DDX6: variants seen among roughly 807,000 people sequenced by gnomAD.
DDX6 encodes the protein DEAD-box helicase 6.
Under a neutral mutation model 60.6 loss-of-function variants are expected in DDX6, and 7 were observed. The ratio of observed to expected loss-of-function variants is 0.12; its 90% confidence interval spans 0.07 to 0.22. DDX6 has a LOEUF of 0.22. Among genes scored for constraint, DDX6 ranks in the 10% least tolerant of loss-of-function variants. DDX6 has a pLI of 1.00. For synonymous variants in DDX6, 207 were observed against 201.0 expected (o/e 1.03, Z -0.25); for missense variants, 270 against 589.9 (o/e 0.46, Z 5.62).
intron 6 of DDX6, 137 bp from the exon 7 acceptor site, chr11:118,763,443 T>C (rs1347986798): frequency 1.5e-6 from 1 of 680,390 alleles, no homozygotes; most frequent in African/African-American, 1.8e-5. Flanking sequence ...TATAGCCTAC[T>C]CCATTGTATA....
chr11:118,765,493 CT>C, intron 5 of DDX6, 138 bp from the exon 6 acceptor site: 2 of 889,158 alleles, frequency 2.2e-6, no homozygotes, highest in Non-Finnish European at 3.5e-6. Flanking sequence ...GTAACTGCAC[CT>C]TATGATGCAG....
intron 5 of DDX6, among the ~76,000 whole-genome samples, chr11:118,767,352 G>C (rs1555161426): frequency 6.6e-6 from 1 of 152,170 alleles, no homozygotes; most frequent in Non-Finnish European, 1.5e-5. Flanking sequence ...TACATCATAT[G>C]AAAGTGGGAA....
Position 118,758,825 on chromosome 11 carries a change from T to C in DDX6, c.942A>G (p.Ala314=). The C allele has an allele frequency of 1.2e-6, 2 of 1,613,886 alleles. No individual in the cohort carries two copies. The highest frequency in any genetic ancestry group is 1.7e-6 in the Non-Finnish European group (2 of 1,179,830). The part of the protein sequence containing the change: ...LTLKGVTQYY[A]YVTERQKVHC... The stretch of plus-strand genomic sequence containing the variant: ...GTACTTTTTGGCGCTCAGTTACATA[T>C]GCGTAGTACTGGGTTACTCCCTTCA... Residue 314 remains alanine (A), a synonymous_variant, in exon 9 of 14, where the codon GCA becomes GCG. Transcript: ENST00000534980.
At chr11:118,768,409 C>A in intron 4 of DDX6, 57 bp from the exon 5 acceptor site, 1 of 1,583,438 alleles carries the variant, frequency 6.3e-7, no homozygotes, top group Non-Finnish European at 8.6e-7. Flanking sequence ...AAGCAAATTC[C>A]TCTCTGAAAT....
chr11:118,756,349 T>C (rs1860976058), intron 10 of DDX6, 26 bp from the exon 11 acceptor site: 5 of 1,576,168 alleles, frequency 3.2e-6, no homozygotes, highest in African/African-American at 1.3e-5. Context: ...GTATTCCATT[T>C]GATTAACACT....
At chr11:118,752,768 T>C (rs782683517) in intron 13 of DDX6, among the ~76,000 whole-genome samples, 17 of 152,086 alleles carry the variant, frequency 1.1e-4, no homozygotes, top group Non-Finnish European at 2.5e-4. Flanking sequence ...GTTTCATGCA[T>C]TTCTAACTAG....
At chr11:118,760,545 G>A (rs1016087083) in intron 7 of DDX6, among the ~76,000 whole-genome samples, 7 of 152,186 alleles carry the variant, frequency 4.6e-5, no homozygotes, top group Non-Finnish European at 8.8e-5. Context: ...GGTTCTGGCC[G>A]GGCGCGGTGG....
chr11:118,788,181 T>A (rs1489092846), intron 1 of DDX6: 4 of 151,822 alleles, frequency 2.6e-5, no homozygotes, highest in Non-Finnish European at 5.9e-5. Flanking sequence ...GGTGGCCCTG[T>A]AATCTCAGCT....
At chr11:118,779,574 A>G in intron 4 of DDX6, 58 bp downstream of exon 4, 3 of 1,170,230 alleles carry the variant, frequency 2.6e-6, no homozygotes, top group Non-Finnish European at 3.7e-6. Context: ...GAGCAAAAAG[A>G]AAACTGTTTA....
At chr11:118,756,047 G>A (rs1370771846) in intron 11 of DDX6, among the ~76,000 whole-genome samples, 2 of 127,780 alleles carry the variant, frequency 1.6e-5, no homozygotes, top group Non-Finnish European at 3.1e-5. Context: ...AGACAGAGAT[G>A]AGGTATGAGT....
chr11:118,785,705 T>C (rs756908669), intron 2 of DDX6: 5 of 169,222 alleles, frequency 3.0e-5, no homozygotes, highest in Admixed American at 6.2e-5. Flanking sequence ...GGTGCAGTCG[T>C]AAAAAAACTA....
intron 2 of DDX6, 159 bp downstream of exon 2, chr11:118,785,893 T>C: frequency 3.4e-6 from 2 of 596,418 alleles, no homozygotes; most frequent in Non-Finnish European, 5.6e-6. Flanking sequence ...AAATATATTA[T>C]TCTATTGCAA....
In DDX6 at chr11:118,749,188, AATG is replaced by A. The variant is rs1272126142; in HGVS notation, c.*2914_*2916del. The A allele has an allele frequency of 6.6e-6, 1 of 152,068 alleles. No homozygotes were observed. The highest frequency in any genetic ancestry group is 2.4e-5 in the African/African-American group (1 of 41,392). The allele number at this position is 152,068 out of a possible 1,614,324, so 9.4% of individuals were successfully genotyped here. A position where few individuals can be genotyped will look rare whatever the true frequency, so the allele number is the denominator to read the frequency against. On this transcript the variant is annotated 3_prime_UTR_variant, in exon 14 of 14. Coordinates refer to ENST00000534980, the MANE Select transcript of DDX6 (RefSeq NM_004397.6). ...TACACAACTGTACAACCAAAGGCTA[AATG>A]ATGAGTTGGATGTAGTTTTAATATT...
intron 13 of DDX6, among the ~76,000 whole-genome samples, chr11:118,752,814 C>T (rs1175280249): frequency 6.6e-6 from 1 of 151,778 alleles, no homozygotes; most frequent in African/African-American, 2.4e-5. Flanking sequence ...AGAGGCAGGG[C>T]GTGGTGGCTC....
chr11:118,763,191 T>TG, intron 7 of DDX6, 21 bp downstream of exon 7: 1 of 1,544,358 alleles, frequency 6.5e-7, no homozygotes, highest in Non-Finnish European at 8.8e-7. Flanking sequence ...AACAGTATAA[T>TG]GCCAAATGAA....
intron 4 of DDX6, among the ~76,000 whole-genome samples, chr11:118,776,017 C>T (rs1263798297): frequency 1.3e-5 from 2 of 152,082 alleles, no homozygotes; most frequent in Non-Finnish European, 2.9e-5. Context: ...TGTGCTGGTA[C>T]TACACTATCA....
At chr11:118,768,162 A>T in intron 5 of DDX6, 61 bp downstream of exon 5, 1 of 1,503,002 alleles carries the variant, frequency 6.7e-7, no homozygotes, top group Non-Finnish European at 9.1e-7. Context: ...TATCTTCTAC[A>T]CATGGCTCCA....
chr11:118,775,764 A>C (rs1555163501), intron 4 of DDX6, among the ~76,000 whole-genome samples: 2 of 152,238 alleles, frequency 1.3e-5, no homozygotes, highest in Non-Finnish European at 2.9e-5. Flanking sequence ...AACAACACTC[A>C]GAGTACAAGT....
At chr11:118,788,803 C>A (rs1462417815) in intron 1 of DDX6, 1 of 152,036 alleles carries the variant, frequency 6.6e-6, no homozygotes, top group African/African-American at 2.4e-5. Flanking sequence ...GATCCTCATG[C>A]CTTAGCCTCC....
Sources: allele counts gnomAD v4.1 joint callset (sites outside exome capture counted in the v4.1 genomes callset), GRCh38; gene constraint gnomAD v4.1.1; transcripts MANE v1.5; gene names NCBI Gene and HGNC (gene_info 2026-07-23, HGNC 2026-07-21).